The following EHBP1 variants were observed in gnomAD, a reference collection of about 807,000 sequenced individuals.
EHBP1 encodes EH domain-binding protein 1.
In EHBP1, 55 loss-of-function variants were observed where a neutral mutation model predicts 144.0. That is an observed-to-expected ratio of 0.38 (90% CI 0.31 to 0.48). The LOEUF is 0.48. Among genes scored for constraint, EHBP1 ranks in the 20% least tolerant of loss-of-function variants. The pLI, the probability that EHBP1 is intolerant of heterozygous loss-of-function variation, is 0.98. For missense variants in EHBP1, 1,200 were observed against 1,364.2 expected, an observed-to-expected ratio of 0.88 and a Z score of 1.90; for synonymous variants, 469 against 472.7, an observed-to-expected ratio of 0.99 and a Z score of 0.10.
chr2:62,845,406 G>A (rs1254184260), intron 7 of EHBP1, among the ~76,000 whole-genome samples: 1 of 152,086 alleles, frequency 6.6e-6, no homozygotes, highest in African/African-American at 2.4e-5. Flanking sequence ...GCTACCTTCA[G>A]GGAACAAAAT....
chr2:62,717,700 AATAAAGTTTTTTTTTT>A (rs1210984096), intron 2 of EHBP1, among the ~76,000 whole-genome samples: 1 of 152,206 alleles, frequency 6.6e-6, no homozygotes, highest in East Asian at 1.9e-4. Flanking sequence ...AAATAGTTTT[AATAAAGTTTTTTTTTT>A]AAAAAAAACC....
At chr2:62,990,461 A>G (rs2059370317) in intron 15 of EHBP1, among the ~76,000 whole-genome samples, 1 of 152,160 alleles carries the variant, frequency 6.6e-6, no homozygotes, top group African/African-American at 2.4e-5. Flanking sequence ...ATAGGTTTTT[A>G]GGTAAGCATT....
intron 10 of EHBP1, among the ~76,000 whole-genome samples, chr2:62,906,961 G>A (rs1291356211): frequency 9.9e-5 from 15 of 151,954 alleles, no homozygotes; most frequent in Non-Finnish European, 1.9e-4. Flanking sequence ...TCTGGGTTTC[G>A]CATGTATCAA....
At chr2:62,703,012 CT>C (rs2034322711), upstream of EHBP1, among the ~76,000 whole-genome samples, 1 of 152,044 alleles carries the variant, frequency 6.6e-6, no homozygotes, top group East Asian at 1.9e-4. Flanking sequence ...GGGACTGTAA[CT>C]TTTATGTACT....
chr2:62,747,522 T>C, intron 3 of EHBP1, 70 bp downstream of exon 3: 2 of 1,175,790 alleles, frequency 1.7e-6, no homozygotes, highest in South Asian at 1.4e-5. Flanking sequence ...GGTTCCAGTG[T>C]AGAATATTTT....
At chr2:62,997,289 A>G (rs1328830078) in intron 19 of EHBP1, among the ~76,000 whole-genome samples, 2 of 152,212 alleles carry the variant, frequency 1.3e-5, no homozygotes, top group Middle Eastern at 3.4e-3. Flanking sequence ...TGAAAGGATT[A>G]CAGTATATAG....
chr2:62,700,040 C>T (rs1045476749), intron 1 of EHBP1, among the ~76,000 whole-genome samples: 20 of 152,120 alleles, frequency 1.3e-4, no homozygotes, highest in African/African-American at 4.6e-4. Context: ...TTCAAATATT[C>T]GTTCATGGGT....
In EHBP1 at chr2:62,949,428, C is replaced by T. The variant is rs561003802; in HGVS notation, c.2316+266C>T. On this transcript the variant is annotated intron_variant, in intron 13 of 22. Coordinates refer to ENST00000431489, the MANE Select transcript of EHBP1 (RefSeq NM_001142616.3). ...AAGAAAAGAAAAACCTGAAATATAC[C>T]TGCTGTATATTTAAGGTTTATGATA... 1.1e-4 allele frequency among the ~76,000 whole-genome samples: 16 copies of T among 152,034 alleles called. No homozygotes were observed. In the South Asian group the frequency reaches 3.3e-3, roughly 32 times the overall value.
intron 10 of EHBP1, among the ~76,000 whole-genome samples, chr2:62,888,233 C>T (rs1195846836): frequency 2.0e-5 from 3 of 152,182 alleles, no homozygotes; most frequent in Non-Finnish European, 4.4e-5. Context: ...ACAGATGGGG[C>T]AAATCTGACA....
chr2:62,849,172 C>A (rs2152750705), intron 7 of EHBP1, among the ~76,000 whole-genome samples: 1 of 151,976 alleles, frequency 6.6e-6, no homozygotes, highest in Admixed American at 6.6e-5. Flanking sequence ...TTGGAAGCTG[C>A]CTTTTAGCTT....
intron 15 of EHBP1, among the ~76,000 whole-genome samples, chr2:62,983,865 AAGT>A (rs2059078292): frequency 6.6e-6 from 1 of 152,164 alleles, no homozygotes; most frequent in African/African-American, 2.4e-5. Context: ...TATGTAGACA[AAGT>A]AGTATATTTT....
chr2:62,690,260 A>G (rs780881718), intron 1 of EHBP1, among the ~76,000 whole-genome samples: 5 of 152,054 alleles, frequency 3.3e-5, no homozygotes, highest in Non-Finnish European at 7.4e-5. Context: ...AGGGGTTTTG[A>G]AGTGAAAAAA....
intron 10 of EHBP1, among the ~76,000 whole-genome samples, chr2:62,877,270 A>C (rs545181892): frequency 5.3e-5 from 8 of 152,360 alleles, no homozygotes; most frequent in Admixed American, 5.2e-4. Context: ...AGGGCATTAC[A>C]TAATGGTAAG....
In EHBP1 at chr2:62,783,999, T is replaced by C. The variant is rs750208236; in HGVS notation, c.312+12607T>C. On this transcript the variant is annotated intron_variant, in intron 5 of 22. Coordinates refer to ENST00000431489, the MANE Select transcript of EHBP1 (RefSeq NM_001142616.3). ...CCTCTGCTGGATACCCTAAATCATC[T>C]CTTTCAAGTTCAAAGTTCCACAGAT... Among the ~76,000 whole-genome samples, 3 of 152,216 alleles carry C rather than the reference T, an allele frequency of 2.0e-5. No individual in the cohort carries two copies. The South Asian group carries it at 6.2e-4, about 31-fold the overall frequency.
intron 1 of EHBP1, among the ~76,000 whole-genome samples, chr2:62,680,509 G>C (rs567520789): frequency 1.3e-5 from 2 of 152,182 alleles, no homozygotes; most frequent in African/African-American, 2.4e-5. Flanking sequence ...ATTGAAGGGG[G>C]GAGGGGGGAA....
chr2:62,967,219 G>A (rs1574282362), intron 14 of EHBP1, among the ~76,000 whole-genome samples: 1 of 152,264 alleles, frequency 6.6e-6, no homozygotes, highest in East Asian at 1.9e-4. Flanking sequence ...TTGGCTGCAG[G>A]GGAGTAGTGG....
At chr2:62,768,112 A>G (rs759796044) in intron 4 of EHBP1, among the ~76,000 whole-genome samples, 2 of 152,186 alleles carry the variant, frequency 1.3e-5, no homozygotes, top group Non-Finnish European at 2.9e-5. Flanking sequence ...CAACTGAAAG[A>G]ATTAGAGAAG....
intron 2 of EHBP1, among the ~76,000 whole-genome samples, chr2:62,715,480 A>G (rs1002701131): frequency 1.3e-5 from 2 of 151,356 alleles, no homozygotes; most frequent in Non-Finnish European, 2.9e-5. Context: ...TTTTAAAAAT[A>G]TATTATTTCT....
At chr2:63,014,744 G>T (rs539984277) in intron 19 of EHBP1, among the ~76,000 whole-genome samples, 3 of 152,300 alleles carry the variant, frequency 2.0e-5, no homozygotes, top group African/African-American at 7.2e-5. Context: ...TTGGGAGGCC[G>T]AAGCAGGTGG....
Sources: allele counts gnomAD v4.1 joint callset (sites outside exome capture counted in the v4.1 genomes callset), GRCh38; gene constraint gnomAD v4.1.1; transcripts MANE v1.5; gene names NCBI Gene and HGNC (gene_info 2026-07-23, HGNC 2026-07-21).